Variants in BRD1 observed in about 807,000 individuals in gnomAD.
BRD1 encodes the protein bromodomain-containing protein 1.
In BRD1, 24 loss-of-function variants were observed where a neutral mutation model predicts 107.7. The ratio of observed to expected loss-of-function variants is 0.22; its 90% CI spans 0.16 to 0.31. The LOEUF (loss-of-function observed/expected upper bound fraction) is 0.31, where lower values mean the gene tolerates loss of function less well. BRD1 is among the 10% of genes least tolerant of loss of function. The pLI, the probability that BRD1 is intolerant of heterozygous loss-of-function variation, is 1.00. For synonymous variants in BRD1, 744 were observed against 686.1 expected (o/e 1.08, Z -1.32); for missense variants, 1,279 against 1,638.6 (o/e 0.78, Z 3.79).
rs2059069634 is a variant in BRD1, at chr22:49,775,731, C to G, written c.3246G>C (p.Lys1082Asn). 6.2e-6 allele frequency: 10 copies of G among 1,611,210 alleles called. No individual in the cohort carries two copies. Among genetic ancestry groups the G allele is most frequent in the Middle Eastern group, 3.4e-4 (2 of 5,954 alleles). ...TGTGGTGGCCAGGCACACGGGGCAT[C>G]TTGGGGTCGATGATCTGCACGAGAA... ...PSYPALIIDP[K>N]MPRVPGHHNG... The change falls in exon 12 of 13, where the codon AAG (lysine) becomes AAC (asparagine). Residue 1082 changes from lysine (K) to asparagine (N), a missense_variant. This residue lies in a region of BRD1 where 136 missense variants were observed against 196.8 expected (regional missense o/e 0.69). Transcript: ENST00000404760.
chr22:49,823,685 G>T lies in BRD1; in HGVS notation c.633C>A (p.Ile211=), dbSNP rs200680842. The T allele has an allele frequency of 9.9e-6, 16 of 1,613,556 alleles. No homozygotes were observed. In the East Asian group the frequency reaches 1.3e-4, roughly 13 times the overall value. ...AGATGCAGCACACGGCGTCCTCGTCGATCAGAGACTGCTGCTCGCCCTGCT... is the reference window on the plus strand; with the variant it reads ...AGATGCAGCACACGGCGTCCTCGTCTATCAGAGACTGCTGCTCGCCCTGCT... The part of the protein sequence containing the change: ...NQKQGEQQSL[I]DEDAVCCICM... Residue 211 remains isoleucine, a synonymous_variant, in exon 2 of 13, where the codon ATC becomes ATA. Transcript: ENST00000404760.
intron 12 of BRD1, 32 bp from the exon 13 acceptor site, chr22:49,774,448 T>C: frequency 6.3e-7 from 1 of 1,592,302 alleles, no homozygotes; most frequent in African/African-American, 1.3e-5. Context: ...CGGAAAATCA[T>C]TGCTTGCACA....
intron 2 of BRD1, among the ~76,000 whole-genome samples, chr22:49,805,119 G>A (rs1409372244): frequency 6.6e-6 from 1 of 152,178 alleles, no homozygotes; most frequent in Admixed American, 6.5e-5. Context: ...CAAGGTATAA[G>A]CCGCTAACAG....
chr22:49,787,327 C>A, intron 8 of BRD1, 63 bp downstream of exon 8: 12 of 938,810 alleles, frequency 1.3e-5, no homozygotes, highest in African/African-American at 1.6e-5. Context: ...CACCAATGAT[C>A]CTGAAGGACG....
At chr22:49,779,288 G>A (rs952588232) in intron 8 of BRD1, among the ~76,000 whole-genome samples, 4 of 152,150 alleles carry the variant, frequency 2.6e-5, no homozygotes, top group Non-Finnish European at 4.4e-5. Context: ...CAATGAGCAC[G>A]ACCGACTTTT....
chr22:49,783,816 G>A lies in BRD1; in HGVS notation c.2857+3574C>T, dbSNP rs1177216553. On this transcript the variant is annotated intron_variant, in intron 8 of 12. Coordinates refer to ENST00000404760, the MANE Select transcript of BRD1 (RefSeq NM_001304808.3). This position sits in a 1 kb window ranked among gnomAD's most constrained non-coding sequence, Gnocchi z 4.2. Reference sequence around the variant, plus strand: ...TTGTCTAGAGGATGTTTGAGCTGATGATTCCAATGTGATCCGCAAGAATTA... The same window carrying A: ...TTGTCTAGAGGATGTTTGAGCTGATAATTCCAATGTGATCCGCAAGAATTA... Among the ~76,000 whole-genome samples the A allele has an allele frequency of 2.6e-5, 4 of 152,240 alleles. No homozygotes were observed. The highest frequency in any genetic ancestry group is 1.5e-5 in the Non-Finnish European group (1 of 68,042).
At position 49,774,486 on chromosome 22, in the gene BRD1, A is replaced by G. The variant is rs1021619600; in HGVS notation, c.3387-70T>C. On this transcript the variant is annotated intron_variant, in intron 12 of 12. Transcript: ENST00000404760. Reference sequence around the variant, plus strand: ...GTATTTCAGCAGGCTCCATGTAATCATCTAACAAATTCACTGCCCTCCGAT... The same window carrying G: ...GTATTTCAGCAGGCTCCATGTAATCGTCTAACAAATTCACTGCCCTCCGAT... 8.7e-5 allele frequency: 130 copies of G among 1,496,254 alleles called. 1 individual carries two copies. The highest frequency in any genetic ancestry group is 7.7e-4 in the South Asian group (61 of 79,340). 92.7% of individuals were successfully genotyped at this position (1,496,254 alleles called of 1,614,324 possible). A position where few individuals can be genotyped will look rare whatever the true frequency, so the allele number is the denominator to read the frequency against.
At chr22:49,813,997 G>C (rs2147299285) in intron 2 of BRD1, among the ~76,000 whole-genome samples, 2 of 152,208 alleles carry the variant, frequency 1.3e-5, no homozygotes, top group East Asian at 3.9e-4. Flanking sequence ...CGGTTCATCA[G>C]ACAATAGAAA....
rs1219794438 is a variant in BRD1, at chr22:49,775,655, G to A, written c.3322C>T (p.His1108Tyr). 1.2e-6 allele frequency: 2 copies of A among 1,613,694 alleles called. No homozygotes were observed. Among genetic ancestry groups the A allele is most frequent in the Non-Finnish European group, 1.7e-6 (2 of 1,179,832 alleles). Residue 1108 changes from histidine to tyrosine, a missense_variant, in exon 12 of 13, where the codon CAC becomes TAC. His to Tyr is a moderately conservative substitution (Grantham distance 83). Transcript: ENST00000404760. ...TTCTCATCAGACTTGGTCTGCATGT[G>A]CTCCCCAATCTTCAGCACGTCCAGG... ...PPLDVLKIGEHMQTKSDEKLF... is the reference protein window; with the variant it reads ...PPLDVLKIGEYMQTKSDEKLF...
At position 49,824,527 on chromosome 22, in the gene BRD1, CAGCAGTAACA is replaced by C. The variant is rs2147438485; in HGVS notation, c.-14-206_-14-197del. On this transcript the variant is annotated intron_variant, in intron 1 of 12. Coordinates refer to ENST00000404760, the MANE Select transcript of BRD1 (RefSeq NM_001304808.3). The surrounding 1 kb of genome is among the most constrained non-coding windows in gnomAD (Gnocchi z 5.9). Reference sequence around the variant, plus strand: ...CGAGTCCCCAGGACCAGGGAGGGAGCAGCAGTAACAGGCAGAGAGGCAGCCTGAGGAGCCC... The same window carrying C: ...CGAGTCCCCAGGACCAGGGAGGGAGCGGCAGAGAGGCAGCCTGAGGAGCCC... 1 of 1,404,948 alleles carries C rather than the reference CAGCAGTAACA, an allele frequency of 7.1e-7. No individual in the cohort carries two copies. Among genetic ancestry groups the C allele is most frequent in the East Asian group, 2.7e-5 (1 of 37,480 alleles). The allele number at this position is 1,404,948 out of a possible 1,614,324, so 87.0% of individuals were successfully genotyped here. A position where few individuals can be genotyped will look rare whatever the true frequency, so the allele number is the denominator to read the frequency against.
chr22:49,777,239 T>TC lies in BRD1; in HGVS notation c.2994-79dup, dbSNP rs1226219128. 1.5e-4 allele frequency: 233 copies of TC among 1,581,494 alleles called. 2 individuals carry two copies. The East Asian group carries it at 5.2e-3, about 35-fold the overall frequency. ...CACTCGGGCTTCGTCCCGTGAGCTG[T>TC]CCGCCACCAAGCTGGCCACGCATCC... is the stretch of plus-strand genomic sequence containing the variant. On this transcript the variant is annotated intron_variant, in intron 9 of 12. Transcript: ENST00000404760.
intron 3 of BRD1, 125 bp downstream of exon 3, chr22:49,804,079 G>A: frequency 1.3e-6 from 1 of 788,210 alleles, no homozygotes; most frequent in Non-Finnish European, 1.9e-6. Flanking sequence ...GGACGAGACG[G>A]AGGCTTCCCA....
intron 11 of BRD1, 127 bp downstream of exon 11, chr22:49,775,920 GACC>G (rs2059086292): frequency 8.8e-7 from 1 of 1,142,296 alleles, no homozygotes; most frequent in Admixed American, 2.2e-5. Context: ...AACCTCCTCT[GACC>G]AACCCCGCCC....
chr22:49,787,375 G>T lies in BRD1; in HGVS notation c.2857+15C>A. The T allele has an allele frequency of 2.0e-6, 3 of 1,519,064 alleles. No individual in the cohort carries two copies. The highest frequency in any genetic ancestry group is 2.7e-6 in the Non-Finnish European group (3 of 1,126,678). The allele number at this position is 1,519,064 out of a possible 1,614,324, so 94.1% of individuals were successfully genotyped here. A position where few individuals can be genotyped will look rare whatever the true frequency, so the allele number is the denominator to read the frequency against. On this transcript the variant is annotated intron_variant, in intron 8 of 12. Transcript: ENST00000404760. ...GTCGGCAAGGGCGCCTCTCAGGGCC[G>T]CCCGCGGCATTTACCTGCGTCCAGG...
In BRD1 at chr22:49,783,606, C is replaced by T. The variant is rs9628131; in HGVS notation, c.2857+3784G>A. On this transcript the variant is annotated intron_variant, in intron 8 of 12. Coordinates refer to ENST00000404760, the MANE Select transcript of BRD1 (RefSeq NM_001304808.3). This position sits in a 1 kb window ranked among gnomAD's most constrained non-coding sequence, Gnocchi z 4.2. ...TGTGTCGTCAGCTGCAGCAGGCTCCCAGTCGGTGCCGGGCTCTCCTCTGCG... is the reference window on the plus strand; with the variant it reads ...TGTGTCGTCAGCTGCAGCAGGCTCCTAGTCGGTGCCGGGCTCTCCTCTGCG... Among the ~76,000 whole-genome samples the T allele has an allele frequency of 0.011, 1,618 of 152,340 alleles. 25 individuals carry two copies. Among genetic ancestry groups the T allele is most frequent in the African/African-American group, 0.037 (1,554 of 41,572 alleles).
At chr22:49,819,411 G>A (rs942731368) in intron 2 of BRD1, among the ~76,000 whole-genome samples, 5 of 151,928 alleles carry the variant, frequency 3.3e-5, no homozygotes, top group African/African-American at 1.2e-4. Flanking sequence ...ACATTAGCAG[G>A]GCATGGTGGC....
chr22:49,813,134 T>A (rs555309588), intron 2 of BRD1, among the ~76,000 whole-genome samples: 2 of 152,312 alleles, frequency 1.3e-5, no homozygotes, highest in Admixed American at 6.5e-5. Context: ...CTCACCCCTA[T>A]GATCCCAGCA....
At chr22:49,784,605 G>A (rs569285955) in intron 8 of BRD1, among the ~76,000 whole-genome samples, 1 of 152,382 alleles carries the variant, frequency 6.6e-6, no homozygotes, top group East Asian at 1.9e-4. Flanking sequence ...AATTGTGCGT[G>A]TGCTGGAAAA....
At position 49,803,654 on chromosome 22, in the gene BRD1, G is replaced by A. The variant is rs1220242718; in HGVS notation, c.1524+550C>T. 2.0e-5 allele frequency among the ~76,000 whole-genome samples: 3 copies of A among 152,104 alleles called. No homozygotes were observed. Among genetic ancestry groups the A allele is most frequent in the African/African-American group, 7.2e-5 (3 of 41,386 alleles). Reference sequence around the variant, plus strand: ...TGTTCTTTTAAAAAGGAAAAGTCCTGCTCCTTCCCTCCCACTCTCTCAGCT... The same window carrying A: ...TGTTCTTTTAAAAAGGAAAAGTCCTACTCCTTCCCTCCCACTCTCTCAGCT... On this transcript the variant is annotated intron_variant, in intron 3 of 12. Coordinates refer to ENST00000404760, the MANE Select transcript of BRD1 (RefSeq NM_001304808.3). The surrounding 1 kb of genome is among the most constrained non-coding windows in gnomAD (Gnocchi z 4.4).
Sources: gnomAD v4.1 joint callset for allele counts (sites outside exome capture counted in the v4.1 genomes callset) on GRCh38, gnomAD v4.1.1 for gene constraint, gnomAD v4.1.1 regional missense constraint, Gnocchi (gnomAD v3.1) non-coding constraint, MANE v1.5 for transcripts, NCBI Gene and HGNC (gene_info 2026-07-23, HGNC 2026-07-21) for gene names.